The following TMEM45A variants were observed in gnomAD, a reference collection of about 807,000 sequenced individuals.
TMEM45A encodes transmembrane protein 45A.
A neutral mutation model predicts 32.0 loss-of-function variants in TMEM45A; 25 were observed. That is an observed-to-expected ratio of 0.78 (90% CI 0.57 to 1.09). TMEM45A has a LOEUF of 1.09. Among genes scored for constraint, TMEM45A ranks in the 50% least tolerant of loss-of-function variants. The probability of loss-of-function intolerance (pLI) is 0.00; values close to 1 mark genes in which losing one functional copy is unlikely to be tolerated. For missense variants in TMEM45A, 302 were observed against 325.0 expected (o/e 0.93, Z 0.54); for synonymous variants, 122 against 114.8 (o/e 1.06, Z -0.40).
At chr3:100,541,117 A>G (rs1356153828) in intron 1 of TMEM45A, among the ~76,000 whole-genome samples, 3 of 152,164 alleles carry the variant, frequency 2.0e-5, no homozygotes, top group East Asian at 1.9e-4. Flanking sequence ...GGCCACTTGT[A>G]TGTCTTCTTT....
intron 1 of TMEM45A, among the ~76,000 whole-genome samples, chr3:100,546,998 C>A (rs182319078): frequency 2.6e-5 from 4 of 152,138 alleles, no homozygotes; most frequent in Admixed American, 2.6e-4. Context: ...GGTCTGGCCA[C>A]CCCTTGCAGT....
chr3:100,525,497 A>C (rs1705524865), intron 1 of TMEM45A, among the ~76,000 whole-genome samples: 2 of 152,252 alleles, frequency 1.3e-5, no homozygotes, highest in Non-Finnish European at 2.9e-5. Context: ...AAAAAACAAC[A>C]AATACAAAAT....
At chr3:100,497,182 A>C (rs1018193392) in intron 1 of TMEM45A, among the ~76,000 whole-genome samples, 5 of 152,190 alleles carry the variant, frequency 3.3e-5, no homozygotes, top group South Asian at 2.1e-4. Flanking sequence ...GTGACTAAGC[A>C]CACAGGCTTT....
chr3:100,557,906 G>A (rs549620142), intron 3 of TMEM45A, among the ~76,000 whole-genome samples: 13 of 152,240 alleles, frequency 8.5e-5, no homozygotes, highest in Middle Eastern at 3.4e-3. Flanking sequence ...AAATCCACCC[G>A]TATGTGTTTG....
chr3:100,551,125 T>A lies in TMEM45A; in HGVS notation c.-3-4084T>A, dbSNP rs1239871581. ...GCCTCCCGGGTTCACGCCATTCTCC[T>A]GCCTCAGCCTCCCTAGTAGCTGGGA... On this transcript the variant is annotated intron_variant, in intron 1 of 5. Transcript: ENST00000323523. Among the ~76,000 whole-genome samples, 9 of 150,246 alleles carry A rather than the reference T, an allele frequency of 6.0e-5. No homozygotes were observed. In the East Asian group the frequency reaches 1.8e-3, roughly 30 times the overall value.
chr3:100,508,819 A>C (rs934365144), intron 1 of TMEM45A, among the ~76,000 whole-genome samples: 2 of 152,262 alleles, frequency 1.3e-5, no homozygotes, highest in East Asian at 1.9e-4. Flanking sequence ...AAAAAAAAAA[A>C]ACTCAAAATG....
chr3:100,555,674 C>T (rs978355470), intron 2 of TMEM45A, among the ~76,000 whole-genome samples: 1 of 152,112 alleles, frequency 6.6e-6, no homozygotes, highest in Admixed American at 6.5e-5. Flanking sequence ...GAGATTAGGC[C>T]AGATGACTTC....
intron 1 of TMEM45A, among the ~76,000 whole-genome samples, chr3:100,533,241 A>G (rs1170466946): frequency 6.6e-6 from 1 of 152,030 alleles, no homozygotes; most frequent in Non-Finnish European, 1.5e-5. Context: ...AGATCTTACA[A>G]AAGAAAAAAA....
intron 1 of TMEM45A, chr3:100,519,401 G>A (rs781390563): frequency 4.7e-6 from 3 of 636,526 alleles, no homozygotes; most frequent in Non-Finnish European, 8.4e-6. Context: ...GTGTGTGTGT[G>A]TGTGTGTGTA....
chr3:100,551,654 A>G (rs1047916506), intron 1 of TMEM45A, among the ~76,000 whole-genome samples: 5 of 152,198 alleles, frequency 3.3e-5, no homozygotes, highest in African/African-American at 1.2e-4. Flanking sequence ...TTTCTTTCAC[A>G]ATGAAAATGA....
intron 1 of TMEM45A, among the ~76,000 whole-genome samples, chr3:100,526,502 A>G (rs1385129441): frequency 6.9e-6 from 1 of 145,362 alleles, no homozygotes; most frequent in African/African-American, 2.7e-5. Context: ...CAGCTCTGCC[A>G]TTAAACTAGC....
intron 5 of TMEM45A, among the ~76,000 whole-genome samples, chr3:100,576,065 C>T (rs551131302): frequency 1.3e-5 from 2 of 152,198 alleles, no homozygotes; most frequent in East Asian, 1.9e-4. Context: ...ATAATCGGAG[C>T]ACTTTGGGAG....
chr3:100,538,780 A>G (rs937584932), intron 1 of TMEM45A, among the ~76,000 whole-genome samples: 2 of 152,190 alleles, frequency 1.3e-5, no homozygotes, highest in Non-Finnish European at 2.9e-5. Context: ...AAAAAAATAT[A>G]AAAGTCAAAT....
intron 1 of TMEM45A, among the ~76,000 whole-genome samples, chr3:100,504,696 AG>A (rs1438701955): frequency 6.6e-6 from 1 of 152,226 alleles, no homozygotes; most frequent in Non-Finnish European, 1.5e-5. Flanking sequence ...TGTTTCAAAC[AG>A]GGAACACATA....
chr3:100,505,597 A>G (rs6441295), intron 1 of TMEM45A, among the ~76,000 whole-genome samples: 144,337 of 152,294 alleles, frequency 0.95, 68,466 homozygotes, highest in East Asian at 1. Context: ...ACTGGTTTTA[A>G]GATTGTCTGT....
intron 1 of TMEM45A, among the ~76,000 whole-genome samples, chr3:100,504,221 C>T (rs956006480): frequency 2.0e-5 from 3 of 151,672 alleles, no homozygotes; most frequent in African/African-American, 4.9e-5. Flanking sequence ...ACCCCACCCC[C>T]TGAGTCCATT....
intron 1 of TMEM45A, among the ~76,000 whole-genome samples, chr3:100,496,137 T>C (rs1458944041): frequency 6.6e-6 from 1 of 152,184 alleles, no homozygotes; most frequent in Non-Finnish European, 1.5e-5. Flanking sequence ...CATTGAACCC[T>C]TGTGGTCCTC....
chr3:100,570,191 G>A (rs1257631543), intron 5 of TMEM45A, among the ~76,000 whole-genome samples: 1 of 152,206 alleles, frequency 6.6e-6, no homozygotes, highest in Non-Finnish European at 1.5e-5. Context: ...AGTGGCTACT[G>A]TATTGGACAC....
At chr3:100,552,302 T>A (rs991456831) in intron 1 of TMEM45A, among the ~76,000 whole-genome samples, 3 of 152,068 alleles carry the variant, frequency 2.0e-5, no homozygotes, top group Non-Finnish European at 4.4e-5. Flanking sequence ...ATGGTAATGG[T>A]CATAGAGGCT....
Sources: allele counts gnomAD v4.1 joint callset (sites outside exome capture counted in the v4.1 genomes callset), GRCh38; gene constraint gnomAD v4.1.1; transcripts MANE v1.5; gene names NCBI Gene and HGNC (gene_info 2026-07-23, HGNC 2026-07-21).